Variants in N4BP3 observed in about 807,000 individuals in gnomAD.
The protein encoded by N4BP3 is NEDD4-binding protein 3.
N4BP3 carries 33 observed loss-of-function variants against 43.8 expected under a neutral mutation model. That is an observed-to-expected ratio of 0.75 (90% CI 0.57 to 1.01). The LOEUF is 1.01. Among genes scored for constraint, N4BP3 ranks in the 50% least tolerant of loss-of-function variants. The probability of loss-of-function intolerance (pLI) is 0.00; values close to 1 mark genes in which losing one functional copy is unlikely to be tolerated. For synonymous variants in N4BP3, 326 were observed against 321.9 expected, an observed-to-expected ratio of 1.01 and a Z score of -0.14; for missense variants, 756 against 744.2, an observed-to-expected ratio of 1.02 and a Z score of -0.18.
rs1757824557 is a variant in N4BP3 at position 178,118,485 on chromosome 5, TGCCGGGTG to T, written c.-30-1067_-30-1060del. On this transcript the variant is annotated intron_variant, in intron 1 of 4. Coordinates refer to ENST00000274605, the MANE Select transcript of N4BP3 (RefSeq NM_015111.2). The surrounding 1 kb of genome is among the most constrained non-coding windows in gnomAD (Gnocchi z 5.4). ...CAGGGTTAGGATTTGGGACCCACCC[TGCCGGGTG>T]GTGGGCTTTGGAATAAGAGCATATA... Among the ~76,000 whole-genome samples, 1 of 152,214 alleles carries T rather than the reference TGCCGGGTG, an allele frequency of 6.6e-6. No homozygotes were observed. Among genetic ancestry groups the T allele is most frequent in the East Asian group, 1.9e-4 (1 of 5,198 alleles).
chr5:178,119,273 G>A (rs371334551), intron 1 of N4BP3, among the ~76,000 whole-genome samples: 5 of 152,182 alleles, frequency 3.3e-5, no homozygotes, highest in East Asian at 1.9e-4. Flanking sequence ...CACAGGCCCC[G>A]AGGTGGAGCT....
At position 178,121,497 on chromosome 5, in the gene N4BP3, T is replaced by C; in HGVS notation, c.1131T>C (p.Ile377=). The C allele has an allele frequency of 1.2e-6, 2 of 1,613,922 alleles. No homozygotes were observed. Among genetic ancestry groups the C allele is most frequent in the South Asian group, 2.2e-5 (2 of 91,086 alleles). Residue 377 remains isoleucine, a synonymous_variant, in exon 5 of 5, where the codon ATT becomes ATC. Transcript: ENST00000274605. The part of the protein sequence containing the change: ...RWEVCQKTAE[I]SLLKQQLREA... ...AGGTGTGCCAGAAGACAGCAGAGAT[T>C]AGCCTCTTGAAGCAGCAGCTGCGTG... is the stretch of plus-strand genomic sequence containing the variant.
intron 1 of N4BP3, among the ~76,000 whole-genome samples, chr5:178,114,666 T>G (rs1158055727): frequency 6.6e-6 from 1 of 152,180 alleles, no homozygotes; most frequent in Non-Finnish European, 1.5e-5. Context: ...CCCAGGGCCC[T>G]CCCAGGCAGG....
intron 1 of N4BP3, among the ~76,000 whole-genome samples, chr5:178,117,617 CAAA>C (rs1158805938): frequency 5.8e-4 from 8 of 13,708 alleles, no homozygotes; most frequent in Non-Finnish European, 1.5e-3. Context: ...GACCCTGTCT[CAAA>C]AAAAAAAAAA....
Position 178,119,649 on chromosome 5 carries a change from G to A in N4BP3, c.66G>A (p.Gln22=). The A allele has an allele frequency of 6.3e-7, 1 of 1,596,682 alleles. No individual in the cohort carries two copies. Residue 22 remains glutamine (Q), a synonymous_variant, in exon 2 of 5, where the codon CAG becomes CAA. Transcript: ENST00000274605. ...GCGTGGGCAGCCTGTTGGAACGGCA[G>A]GACTTCTCCCCTGAAGAGCTGCGGG... The part of the protein sequence containing the change: ...MGSVGSLLER[Q]DFSPEELRAA...
rs1757814476 is a variant in N4BP3, at chr5:178,118,115, G to A, written c.-30-1439G>A. On this transcript the variant is annotated intron_variant, in intron 1 of 4. Coordinates refer to ENST00000274605, the MANE Select transcript of N4BP3 (RefSeq NM_015111.2). This position sits in a 1 kb window ranked among gnomAD's most constrained non-coding sequence, Gnocchi z 5.4. ...AAGGTGGCATTTGTTCACTCGGCCA[G>A]ACCTTTCTGCACGCCCGCTCCATGC... Among the ~76,000 whole-genome samples the A allele has an allele frequency of 6.6e-6, 1 of 152,204 alleles. No individual in the cohort carries two copies. The highest frequency in any genetic ancestry group is 2.1e-4 in the South Asian group (1 of 4,834).
Position 178,122,063 on chromosome 5 carries a change from A to C in N4BP3, c.*62A>C, listed in dbSNP as rs541030397. 13 of 1,499,828 alleles carry C rather than the reference A, an allele frequency of 8.7e-6. No individual in the cohort carries two copies. In the East Asian group the frequency reaches 2.8e-4, roughly 32 times the overall value. 92.9% of individuals were successfully genotyped at this position (1,499,828 alleles called of 1,614,324 possible). On this transcript the variant is annotated 3_prime_UTR_variant, in exon 5 of 5. Coordinates refer to ENST00000274605, the MANE Select transcript of N4BP3 (RefSeq NM_015111.2). ...GAAGGTGCCCTGAGACGGCCGGCTCAGCCTTCCCTTGCACTGGTTGGGGTG... is the reference window on the plus strand; with the variant it reads ...GAAGGTGCCCTGAGACGGCCGGCTCCGCCTTCCCTTGCACTGGTTGGGGTG...
downstream of N4BP3, chr5:178,126,203 G>A (rs907768905): frequency 6.6e-6 from 1 of 151,622 alleles, no homozygotes; most frequent in African/African-American, 2.4e-5. Flanking sequence ...ATTTTTTTGA[G>A]ATGGAGTCTC....
rs767632311 is a variant in N4BP3 at position 178,121,471 on chromosome 5, C to G, written c.1108-3C>G. ...CTTTGCTTGCGTCCTCCCCATCCCC[C>G]AGGTGTGCCAGAAGACAGCAGAGAT... On this transcript the variant is annotated splice_region_variant and splice_polypyrimidine_tract_variant and intron_variant, in intron 4 of 4. Transcript: ENST00000274605. 1.9e-6 allele frequency: 3 copies of G among 1,613,908 alleles called. No individual in the cohort carries two copies. The highest frequency in any genetic ancestry group is 1.7e-6 in the Non-Finnish European group (2 of 1,179,986).
chr5:178,121,636 G>A lies in N4BP3; in HGVS notation c.1270G>A (p.Glu424Lys), dbSNP rs779777388. The A allele has an allele frequency of 1.6e-5, 26 of 1,612,572 alleles. 1 individual carries two copies. Among genetic ancestry groups the A allele is most frequent in the South Asian group, 6.6e-5 (6 of 91,052 alleles). Residue 424 changes from glutamate to lysine, a missense_variant, in exon 5 of 5, where the codon GAG becomes AAG. Physicochemically the swap from Glu to Lys is moderately conservative, Grantham distance 56. Transcript: ENST00000274605. ...AQDAELVRLR[E>K]AVRSLQEQAP... ...GGACGCAGAGCTGGTCCGGCTGCGC[G>A]AGGCTGTGCGCAGCCTGCAGGAGCA...
In N4BP3 at chr5:178,119,922, T is replaced by C. The variant is rs1318461969; in HGVS notation, c.330+9T>C. 6.3e-7 allele frequency: 1 copy of C among 1,591,540 alleles called. No individual in the cohort carries two copies. The highest frequency in any genetic ancestry group is 8.5e-7 in the Non-Finnish European group (1 of 1,171,672). On this transcript the variant is annotated intron_variant, in intron 2 of 4. Coordinates refer to ENST00000274605, the MANE Select transcript of N4BP3 (RefSeq NM_015111.2). ...GGGGTCGCTTTGACAAGGTGCACCT[T>C]TGCCCATGCCCCTTACAAGGTGTGG...
In N4BP3 at chr5:178,120,393, T is replaced by C; in HGVS notation, c.546T>C (p.Pro182=). Residue 182 remains proline (P), a synonymous_variant, in exon 3 of 5, where the codon CCT becomes CCC. Coordinates refer to ENST00000274605, the MANE Select transcript of N4BP3 (RefSeq NM_015111.2). ...LHALSLDEGG[P]EPEPSLSDSS... is the part of the protein sequence containing the mutation. ...CCCTCAGCCTAGATGAGGGCGGCCC[T>C]GAGCCCGAGCCCAGCCTGTCCGACT... 5 of 1,612,782 alleles carry C rather than the reference T, an allele frequency of 3.1e-6. No homozygotes were observed. Among genetic ancestry groups the C allele is most frequent in the Admixed American group, 1.7e-5 (1 of 60,014 alleles).
Position 178,119,702 on chromosome 5 carries a change from G to C in N4BP3, c.119G>C (p.Arg40Pro). Residue 40 changes from arginine (R) to proline (P), a missense_variant, in exon 2 of 5, where the codon CGC becomes CCC. Arg to Pro is a moderately radical substitution (Grantham distance 103). Transcript: ENST00000274605. ...GCACTTGCCGGGTCTCGGGGCTCCC[G>C]CCAGCCTGATGGGCTCCTCCGGAAG... ...RAALAGSRGS[R>P]QPDGLLRKGL... 2 of 1,612,688 alleles carry C rather than the reference G, an allele frequency of 1.2e-6. No homozygotes were observed. Among genetic ancestry groups the C allele is most frequent in the Non-Finnish European group, 1.7e-6 (2 of 1,179,768 alleles).
chr5:178,119,770 A>G lies in N4BP3; in HGVS notation c.187A>G (p.Lys63Glu), dbSNP rs770653223. 6.2e-7 allele frequency: 1 copy of G among 1,613,562 alleles called. No homozygotes were observed. ...GTTCCTCAGCTACCTGCACCTCCCC[A>G]AGAAGGACAGCAAGAGCACCAAGAA... is the stretch of plus-strand genomic sequence containing the variant. ...REFLSYLHLP[K>E]KDSKSTKNTK... The change falls in exon 2 of 5, where the codon AAG (lysine) becomes GAG (glutamate). Residue 63 changes from lysine (K) to glutamate (E), a missense_variant. Transcript: ENST00000274605.
chr5:178,120,735 C>T, intron 3 of N4BP3, 36 bp downstream of exon 3: 2 of 1,534,678 alleles, frequency 1.3e-6, no homozygotes, highest in Non-Finnish European at 1.7e-6. Context: ...CTGTTCTGTG[C>T]CTCAGCACTG....
At position 178,121,455 on chromosome 5, in the gene N4BP3, C is replaced by T. The variant is rs1213827482; in HGVS notation, c.1108-19C>T. On this transcript the variant is annotated intron_variant, in intron 4 of 4. Coordinates refer to ENST00000274605, the MANE Select transcript of N4BP3 (RefSeq NM_015111.2). ...GGCTCCCCACACCCTACTTTGCTTG[C>T]GTCCTCCCCATCCCCCAGGTGTGCC... 4.3e-6 allele frequency: 7 copies of T among 1,613,716 alleles called. No homozygotes were observed. Among genetic ancestry groups the T allele is most frequent in the East Asian group, 2.2e-5 (1 of 44,888 alleles).
At position 178,121,650 on chromosome 5, in the gene N4BP3, C is replaced by G; in HGVS notation, c.1284C>G (p.Ser428Arg). 1 of 1,612,426 alleles carries G rather than the reference C, an allele frequency of 6.2e-7. No homozygotes were observed. Residue 428 changes from serine (S) to arginine (R), a missense_variant, in exon 5 of 5, where the codon AGC becomes AGG. Transcript: ENST00000274605. ...ELVRLREAVR[S>R]LQEQAPREEA... ...TCCGGCTGCGCGAGGCTGTGCGCAG[C>G]CTGCAGGAGCAGGCCCCTCGGGAGG...
chr5:178,117,544 G>C (rs143459493), intron 1 of N4BP3, among the ~76,000 whole-genome samples: 1 of 150,154 alleles, frequency 6.7e-6, no homozygotes, highest in African/African-American at 2.5e-5. Context: ...CTAGGAGTTC[G>C]AGGCTGCAGT....
In N4BP3 at chr5:178,120,425, G is replaced by A; in HGVS notation, c.578G>A (p.Ser193Asn). Residue 193 changes from serine to asparagine, a missense_variant, in exon 3 of 5, where the codon AGT becomes AAT. Ser to Asn is a conservative substitution (Grantham distance 46). Coordinates refer to ENST00000274605, the MANE Select transcript of N4BP3 (RefSeq NM_015111.2). Reference protein sequence around the residue: ...EPEPSLSDSSSGGSFGRSPGT... With the variant: ...EPEPSLSDSSNGGSFGRSPGT... Reference sequence around the variant, plus strand: ...GAGCCCAGCCTGTCCGACTCCTCCAGTGGGGGTAGTTTTGGTCGCAGTCCT... The same window carrying A: ...GAGCCCAGCCTGTCCGACTCCTCCAATGGGGGTAGTTTTGGTCGCAGTCCT... 1 of 1,613,024 alleles carries A rather than the reference G, an allele frequency of 6.2e-7. No individual in the cohort carries two copies. Among genetic ancestry groups the A allele is most frequent in the Non-Finnish European group, 8.5e-7 (1 of 1,179,992 alleles).
Sources: gnomAD v4.1 joint callset for allele counts (sites outside exome capture counted in the v4.1 genomes callset) on GRCh38, gnomAD v4.1.1 for gene constraint, Gnocchi (gnomAD v3.1) non-coding constraint, MANE v1.5 for transcripts, NCBI Gene and HGNC (gene_info 2026-07-23, HGNC 2026-07-21) for gene names.